The following CNOT10 variants were observed in gnomAD, a reference collection of about 807,000 sequenced individuals.
The protein encoded by CNOT10 is CCR4-NOT transcription complex subunit 10, also known as CCR4-NOT transcription complex, subunit 10.
Under a neutral mutation model 94.6 loss-of-function variants are expected in CNOT10, and 30 were observed. That is an observed-to-expected ratio of 0.32 (90% confidence interval 0.24 to 0.43). The LOEUF (loss-of-function observed/expected upper bound fraction) is 0.43, where lower values mean the gene tolerates loss of function less well. Ranked by LOEUF, CNOT10 falls within the 20% of genes least tolerant of loss-of-function variation. The pLI is 1.00. For missense variants in CNOT10, 759 were observed against 877.2 expected (o/e 0.87, Z 1.70); for synonymous variants, 289 against 301.6 (o/e 0.96, Z 0.43).
chr3:32,748,190 T>A (rs557385542), intron 13 of CNOT10, among the ~76,000 whole-genome samples: 1 of 152,346 alleles, frequency 6.6e-6, no homozygotes, highest in South Asian at 2.1e-4. Flanking sequence ...TGAACAGAGC[T>A]GCTCTAAGGT....
chr3:32,703,590 A>G (rs995469096), intron 1 of CNOT10, among the ~76,000 whole-genome samples: 1 of 152,180 alleles, frequency 6.6e-6, no homozygotes, highest in Admixed American at 6.5e-5. Context: ...CTGTGTGTCC[A>G]AGGGGGAGGT....
rs1418748500 is a variant in CNOT10, at chr3:32,725,610, T to G, written c.1012+11T>G. 3 of 1,594,172 alleles carry G rather than the reference T, an allele frequency of 1.9e-6. No individual in the cohort carries two copies. In the Admixed American group the frequency reaches 5.4e-5, roughly 29 times the overall value. ...GTAGCACTGATCCAGGTAAGCCCAG[T>G]ACTGGGGGACAGTTTGTATTTACTA... is the stretch of plus-strand genomic sequence containing the variant. On this transcript the variant is annotated intron_variant, in intron 9 of 18. Coordinates refer to ENST00000328834, the MANE Select transcript of CNOT10 (RefSeq NM_015442.3).
At chr3:32,709,515 G>T (rs1181232989) in intron 4 of CNOT10, among the ~76,000 whole-genome samples, 1 of 152,174 alleles carries the variant, frequency 6.6e-6, no homozygotes, top group Non-Finnish European at 1.5e-5. Flanking sequence ...GTTACCACAG[G>T]ACAAGTGGTG....
chr3:32,733,847 T>G (rs1219465138), intron 11 of CNOT10, among the ~76,000 whole-genome samples: 1 of 152,216 alleles, frequency 6.6e-6, no homozygotes, highest in African/African-American at 2.4e-5. Context: ...CCTTTTTATG[T>G]ACTTTTGGTT....
intron 10 of CNOT10, among the ~76,000 whole-genome samples, chr3:32,728,972 T>G (rs1698812802): frequency 2.0e-5 from 3 of 152,246 alleles, no homozygotes; most frequent in Middle Eastern, 6.8e-3. Context: ...GTTGTGGGCC[T>G]GTAGTCCCAG....
At chr3:32,767,519 C>A (rs369563332) in intron 17 of CNOT10, among the ~76,000 whole-genome samples, 462 of 105,526 alleles carry the variant, frequency 4.4e-3, no homozygotes, top group Middle Eastern at 6.1e-3. Context: ...AACTCTGTCT[C>A]AAAAAAAAAA....
At chr3:32,702,135 G>A (rs1445346145) in intron 1 of CNOT10, among the ~76,000 whole-genome samples, 3 of 142,374 alleles carry the variant, frequency 2.1e-5, no homozygotes, top group Non-Finnish European at 3.0e-5. Flanking sequence ...TCACTCTGTC[G>A]CCCAGGCTGG....
intron 4 of CNOT10, among the ~76,000 whole-genome samples, chr3:32,712,764 A>G (rs1575225956): frequency 6.6e-6 from 1 of 152,134 alleles, no homozygotes; most frequent in Admixed American, 6.5e-5. Flanking sequence ...TCTTGAGCCT[A>G]GTAGGCAGAG....
intron 1 of CNOT10, among the ~76,000 whole-genome samples, chr3:32,690,290 T>C (rs767087100): frequency 9.9e-5 from 15 of 152,218 alleles, no homozygotes; most frequent in South Asian, 4.1e-4. Context: ...GCTTCAGCTT[T>C]CCTGCGTGTA....
chr3:32,718,310 C>T (rs796090713), intron 7 of CNOT10, among the ~76,000 whole-genome samples: 9 of 145,042 alleles, frequency 6.2e-5, no homozygotes, highest in African/African-American at 1.8e-4. Context: ...CCTAGCCAGG[C>T]GCGGTGGCTC....
At position 32,773,755 on chromosome 3, in the gene CNOT10, AC is replaced by A; in HGVS notation, c.*145del. The A allele has an allele frequency of 1.3e-6, 1 of 754,282 alleles. No homozygotes were observed. The highest frequency in any genetic ancestry group is 2.0e-6 in the Non-Finnish European group (1 of 501,664). The allele number at this position is 754,282 out of a possible 1,614,324, so 46.7% of individuals were successfully genotyped here. A position where few individuals can be genotyped will look rare whatever the true frequency, so the allele number is the denominator to read the frequency against. On this transcript the variant is annotated 3_prime_UTR_variant, in exon 19 of 19. Coordinates refer to ENST00000328834, the MANE Select transcript of CNOT10 (RefSeq NM_015442.3). ...ACCCCTGACATTTGGCCAAAAGCTT[AC>A]TTAAAATTAAGGATTTACTAAGTCA...
chr3:32,752,989 C>G (rs1349266907), intron 13 of CNOT10: 7 of 471,556 alleles, frequency 1.5e-5, no homozygotes, highest in Non-Finnish European at 2.5e-5. Flanking sequence ...GACGAGGACC[C>G]CCAGGCGGCA....
At chr3:32,750,213 G>T (rs978515683) in intron 13 of CNOT10, among the ~76,000 whole-genome samples, 1 of 151,970 alleles carries the variant, frequency 6.6e-6, no homozygotes, top group African/African-American at 2.4e-5. Context: ...AAAAAGTAAG[G>T]CCTGGGCACA....
At chr3:32,705,951 A>G (rs1441491661) in intron 3 of CNOT10, among the ~76,000 whole-genome samples, 3 of 152,220 alleles carry the variant, frequency 2.0e-5, no homozygotes, top group Non-Finnish European at 2.9e-5. Context: ...CAAATTCTGT[A>G]TTAAGTGCCT....
intron 1 of CNOT10, among the ~76,000 whole-genome samples, chr3:32,692,164 C>T (rs1355222360): frequency 6.6e-6 from 1 of 151,936 alleles, no homozygotes; most frequent in Non-Finnish European, 1.5e-5. Context: ...GAGTTCAAGT[C>T]CAGCCTGGGC....
At chr3:32,721,086 G>A (rs548656696) in intron 8 of CNOT10, among the ~76,000 whole-genome samples, 1 of 104,124 alleles carries the variant, frequency 9.6e-6, no homozygotes, top group South Asian at 3.4e-4. Flanking sequence ...TTTTGACAGA[G>A]TCTTGCTCTG....
intron 1 of CNOT10, among the ~76,000 whole-genome samples, chr3:32,688,892 A>T (rs574188479): frequency 2.6e-5 from 4 of 152,168 alleles, no homozygotes; most frequent in African/African-American, 9.6e-5. Context: ...AGGCAACAGG[A>T]TGAGACCCTC....
chr3:32,685,880 T>TAAAA, intron 1 of CNOT10, among the ~76,000 whole-genome samples: 1 of 152,172 alleles, frequency 6.6e-6, no homozygotes, highest in African/African-American at 2.4e-5. Context: ...TGGGCTGTTT[T>TAAAA]GACCACATGT....
At position 32,773,472 on chromosome 3, in the gene CNOT10, C is replaced by T; in HGVS notation, c.2096C>T (p.Ala699Val). The change falls in exon 19 of 19, where the codon GCC becomes GTC. Residue 699 changes from alanine (A) to valine (V), a missense_variant. Around this residue, in one of 3 missense-constraint regions of CNOT10, gnomAD observed 73 missense variants for 61.0 expected, o/e 1.20. Coordinates refer to ENST00000328834, the MANE Select transcript of CNOT10 (RefSeq NM_015442.3). ...GTTTTTATAGGTAATACTCAGCTGG[C>T]CTTACAGATCATCAAAAGGAATCAG... ...LELQNGNTQL[A>V]LQIIKRNQLL... is the part of the protein sequence containing the mutation. 6.2e-7 allele frequency: 1 copy of T among 1,613,238 alleles called. No homozygotes were observed. The highest frequency in any genetic ancestry group is 8.5e-7 in the Non-Finnish European group (1 of 1,179,704).
Sources: allele counts gnomAD v4.1 joint callset (sites outside exome capture counted in the v4.1 genomes callset), GRCh38; gene constraint gnomAD v4.1.1; regional missense constraint gnomAD v4.1.1; transcripts MANE v1.5; gene names NCBI Gene and HGNC (gene_info 2026-07-23, HGNC 2026-07-21).